Variants in NME7 observed in about 807,000 individuals in gnomAD.
NME7 encodes NME/NM23 family member 7.
NME7 carries 41 observed loss-of-function variants against 49.1 expected under a neutral mutation model. The observed-to-expected ratio is 0.83, with a 90% CI of 0.65 to 1.08. The LOEUF is 1.08. Ranked by LOEUF, NME7 falls within the 50% of genes least tolerant of loss-of-function variation. The probability of loss-of-function intolerance (pLI) is 0.00; values close to 1 mark genes in which losing one functional copy is unlikely to be tolerated. For synonymous variants in NME7, 139 were observed against 150.6 expected, an observed-to-expected ratio of 0.92 and a Z score of 0.56; for missense variants, 423 against 463.4, an observed-to-expected ratio of 0.91 and a Z score of 0.80.
At position 169,177,985 on chromosome 1, in the gene NME7, C is replaced by T. The variant is rs551996345; in HGVS notation, c.991-8431G>A. ...CTGAGCAGCTAGGACTACAGGCGCC[C>T]GCCACCACACCCAGCTAATTTTTTT... On this transcript the variant is annotated intron_variant, in intron 10 of 11. Coordinates refer to ENST00000367811, the MANE Select transcript of NME7 (RefSeq NM_013330.5). Among the ~76,000 whole-genome samples the T allele has an allele frequency of 3.9e-5, 6 of 152,022 alleles. 1 individual carries two copies. Among genetic ancestry groups the T allele is most frequent in the African/African-American group, 1.2e-4 (5 of 41,408 alleles).
chr1:169,276,900 T>A (rs991414476), intron 7 of NME7, among the ~76,000 whole-genome samples: 1 of 149,318 alleles, frequency 6.7e-6, no homozygotes, highest in African/African-American at 2.4e-5. Context: ...TTTGTTCTCG[T>A]TGGTTTCAAA....
rs2101994238 is a variant in NME7 at position 169,364,987 on chromosome 1, T to C, written c.3+2721A>G. On this transcript the variant is annotated intron_variant, in intron 1 of 11. Transcript: ENST00000367811. ...GTCACAAGATTTGTAACTTCACCAA[T>C]TGCTCCTTTAGATAACATCACTATT... is the stretch of plus-strand genomic sequence containing the variant. Among the ~76,000 whole-genome samples the C allele has an allele frequency of 1.3e-5, 2 of 152,348 alleles. 1 individual carries two copies. The highest frequency in any genetic ancestry group is 4.1e-4 in the South Asian group (2 of 4,824).
chr1:169,305,915 G>A (rs1330285593), intron 4 of NME7, among the ~76,000 whole-genome samples: 1 of 152,134 alleles, frequency 6.6e-6, no homozygotes, highest in Non-Finnish European at 1.5e-5. Flanking sequence ...CTTATAAATT[G>A]GATGAAATCT....
intron 1 of NME7, among the ~76,000 whole-genome samples, chr1:169,355,721 C>A (rs1052679256): frequency 9.2e-5 from 14 of 151,986 alleles, no homozygotes; most frequent in African/African-American, 3.1e-4. Context: ...AAGGAGGCTT[C>A]TCTGACCAGC....
intron 10 of NME7, among the ~76,000 whole-genome samples, chr1:169,229,649 T>C (rs940383515): frequency 5.3e-5 from 8 of 152,200 alleles, no homozygotes; most frequent in Non-Finnish European, 1.2e-4. Context: ...TGTGGATTTA[T>C]TGTCTTACAT....
chr1:169,287,095 A>T (rs1650304228), intron 7 of NME7: 1 of 487,852 alleles, frequency 2.0e-6, no homozygotes, highest in Non-Finnish European at 3.6e-6. Context: ...CAACTCAAAG[A>T]ACACCTCCTA....
intron 9 of NME7, among the ~76,000 whole-genome samples, chr1:169,233,916 CCTT>C (rs1647747043): frequency 6.6e-6 from 1 of 151,940 alleles, no homozygotes; most frequent in Admixed American, 6.6e-5. Flanking sequence ...TCCTCTCCCT[CCTT>C]TTTTTCCTTT....
chr1:169,133,539 A>G (rs1428056999), intron 11 of NME7, among the ~76,000 whole-genome samples: 1 of 152,130 alleles, frequency 6.6e-6, no homozygotes, highest in African/African-American at 2.4e-5. Context: ...ACAGTAATCT[A>G]TTTCTCGTTT....
chr1:169,257,693 A>C (rs1649012490), intron 7 of NME7, among the ~76,000 whole-genome samples: 1 of 131,602 alleles, frequency 7.6e-6, no homozygotes, highest in Non-Finnish European at 1.8e-5. Context: ...AAAGTTTAAA[A>C]CTCCTTTTAG....
chr1:169,366,036 A>G (rs1258764626), intron 1 of NME7, among the ~76,000 whole-genome samples: 1 of 152,218 alleles, frequency 6.6e-6, no homozygotes, highest in Non-Finnish European at 1.5e-5. Flanking sequence ...TGAGTTAGGC[A>G]TTAGTAGATC....
chr1:169,257,678 C>G (rs34758802), intron 7 of NME7, among the ~76,000 whole-genome samples: 11,977 of 133,534 alleles, frequency 0.09, 3,248 homozygotes, highest in East Asian at 0.76. Context: ...TTGCCTTTTT[C>G]TTTTAAAGTT....
intron 7 of NME7, among the ~76,000 whole-genome samples, chr1:169,242,685 TAA>T (rs113686070): frequency 6.7e-6 from 1 of 149,326 alleles, no homozygotes; most frequent in Non-Finnish European, 1.5e-5. Context: ...CCAAATAGCC[TAA>T]AAAAAAATCT....
At chr1:169,256,951 C>A (rs1483945431) in intron 7 of NME7, among the ~76,000 whole-genome samples, 3 of 127,920 alleles carry the variant, frequency 2.3e-5, no homozygotes, top group Non-Finnish European at 5.5e-5. Flanking sequence ...GCTGGGAGAA[C>A]CACTGCTCTC....
At chr1:169,364,448 G>A (rs1653774310) in intron 1 of NME7, among the ~76,000 whole-genome samples, 1 of 152,100 alleles carries the variant, frequency 6.6e-6, no homozygotes, top group Admixed American at 6.5e-5. Flanking sequence ...GTCTCGCTAT[G>A]TTGCTCAGGC....
chr1:169,318,508 A>G (rs1281572996), intron 3 of NME7, among the ~76,000 whole-genome samples: 1 of 152,260 alleles, frequency 6.6e-6, no homozygotes, highest in African/African-American at 2.4e-5. Flanking sequence ...AAGGACAGCC[A>G]CCAATTTTGT....
intron 1 of NME7, among the ~76,000 whole-genome samples, chr1:169,334,207 T>A (rs1652372225): frequency 6.6e-6 from 1 of 152,204 alleles, no homozygotes; most frequent in Non-Finnish European, 1.5e-5. Flanking sequence ...TTCAAAGACA[T>A]TCTGGAGTAA....
At chr1:169,319,121 A>C (rs1651763292) in intron 3 of NME7, among the ~76,000 whole-genome samples, 1 of 151,912 alleles carries the variant, frequency 6.6e-6, no homozygotes, top group Admixed American at 6.6e-5. Context: ...ATACATTATG[A>C]TATCCCAATA....
At chr1:169,296,371 A>G (rs1209203889) in intron 6 of NME7, among the ~76,000 whole-genome samples, 11 of 152,130 alleles carry the variant, frequency 7.2e-5, no homozygotes, top group Middle Eastern at 3.2e-3. Flanking sequence ...ATTTTAGAAT[A>G]TTTGATTCAC....
In NME7 at chr1:169,272,929, C is replaced by A. The variant is rs561502744; in HGVS notation, c.754+14374G>T. On this transcript the variant is annotated intron_variant, in intron 7 of 11. Coordinates refer to ENST00000367811, the MANE Select transcript of NME7 (RefSeq NM_013330.5). ...CTCCCAGTAACAGTGTAAAAGTGTT[C>A]CTTTTTCTCCACAGCCTCACCAGCA... is the stretch of plus-strand genomic sequence containing the variant. 1.5e-5 allele frequency among the ~76,000 whole-genome samples: 2 copies of A among 133,264 alleles called. 1 individual carries two copies. Among genetic ancestry groups the A allele is most frequent in the Non-Finnish European group, 3.5e-5 (2 of 56,672 alleles). 87.4% of individuals were successfully genotyped at this position (133,264 alleles called of 152,430 possible).
Sources: allele counts gnomAD v4.1 joint callset (sites outside exome capture counted in the v4.1 genomes callset), GRCh38; gene constraint gnomAD v4.1.1; transcripts MANE v1.5; gene names NCBI Gene and HGNC (gene_info 2026-07-23, HGNC 2026-07-21).